RBMS2: variants seen among roughly 807,000 people sequenced by gnomAD.
The protein encoded by RBMS2 is RNA-binding motif, single-stranded-interacting protein 2.
Under a neutral mutation model 58.4 loss-of-function variants are expected in RBMS2, and 38 were observed. The observed-to-expected ratio is 0.65, with a 90% CI of 0.50 to 0.85. The LOEUF (loss-of-function observed/expected upper bound fraction) is 0.85. RBMS2 is among the 40% of genes least tolerant of loss of function. RBMS2 has a pLI of 0.00. For synonymous variants in RBMS2, 151 were observed against 180.7 expected (o/e 0.84, Z 1.32); for missense variants, 367 against 503.7 (o/e 0.73, Z 2.60).
intron 1 of RBMS2, among the ~76,000 whole-genome samples, chr12:56,558,038 CTTTTTTTTTTTTT>C (rs34784910): frequency 7.0e-5 from 2 of 28,518 alleles, no homozygotes; most frequent in Non-Finnish European, 1.2e-4. Flanking sequence ...CTCGCCCGGG[CTTTTTTTTTTTTT>C]TTTTTTTTTT....
chr12:56,529,156 A>G (rs886790297), intron 1 of RBMS2, among the ~76,000 whole-genome samples: 38 of 152,216 alleles, frequency 2.5e-4, no homozygotes, highest in African/African-American at 8.7e-4. Context: ...ATTATTCATA[A>G]TAGTCCAGAG....
At chr12:56,586,203 G>A (rs572806252) in intron 9 of RBMS2, among the ~76,000 whole-genome samples, 42 of 152,140 alleles carry the variant, frequency 2.8e-4, no homozygotes, top group Non-Finnish European at 5.1e-4. Context: ...ATGGTGGCGG[G>A]CACCTGTAGT....
At chr12:56,574,451 T>TGA (rs1882817355) in intron 5 of RBMS2, among the ~76,000 whole-genome samples, 1 of 152,218 alleles carries the variant, frequency 6.6e-6, no homozygotes, top group Admixed American at 6.5e-5. Flanking sequence ...TGTGAAAATA[T>TGA]GATGTTATCT....
intron 1 of RBMS2, among the ~76,000 whole-genome samples, chr12:56,541,708 A>G (rs963434054): frequency 1.3e-5 from 2 of 152,220 alleles, no homozygotes; most frequent in Non-Finnish European, 1.5e-5. Context: ...ACAAAAACCT[A>G]TGCACTTCTT....
At chr12:56,556,632 T>G (rs1291363727) in intron 1 of RBMS2, among the ~76,000 whole-genome samples, 2 of 152,090 alleles carry the variant, frequency 1.3e-5, no homozygotes, top group Non-Finnish European at 2.9e-5. Context: ...CGCCTCAGCC[T>G]CCCAAAGTGC....
At chr12:56,529,445 C>T (rs1043270512) in intron 1 of RBMS2, among the ~76,000 whole-genome samples, 4 of 151,814 alleles carry the variant, frequency 2.6e-5, no homozygotes, top group African/African-American at 9.7e-5. Flanking sequence ...ACACCTGTAG[C>T]CCCAGCTACT....
intron 1 of RBMS2, among the ~76,000 whole-genome samples, chr12:56,530,081 T>A (rs186257319): frequency 1.2e-3 from 182 of 152,070 alleles, no homozygotes; most frequent in African/African-American, 3.4e-3. Flanking sequence ...TTAAAAAAAA[T>A]TTTTTTTATA....
rs371296452 is a variant in RBMS2 at position 56,588,274 on chromosome 12, G to A, written c.1063-20G>A. On this transcript the variant is annotated intron_variant, in intron 11 of 13. Coordinates refer to ENST00000262031, the MANE Select transcript of RBMS2 (RefSeq NM_002898.4). The stretch of plus-strand genomic sequence containing the variant: ...AGCCAAAAATCACTGCTGTAAGCCT[G>A]TTGATGTTTCTCTTTCTAGTATATG... 1.2e-5 allele frequency: 20 copies of A among 1,603,874 alleles called. No individual in the cohort carries two copies. Among genetic ancestry groups the A allele is most frequent in the Non-Finnish European group, 8.5e-7 (1 of 1,170,734 alleles).
At chr12:56,579,440 C>T (rs1208196394) in intron 5 of RBMS2, among the ~76,000 whole-genome samples, 4 of 152,072 alleles carry the variant, frequency 2.6e-5, no homozygotes, top group African/African-American at 9.7e-5. Context: ...ACCATTCTGG[C>T]TAACAGGGTG....
At chr12:56,564,710 A>G (rs934541326) in intron 2 of RBMS2, among the ~76,000 whole-genome samples, 4 of 152,326 alleles carry the variant, frequency 2.6e-5, no homozygotes, top group Admixed American at 2.6e-4. Flanking sequence ...ATGATGGCTC[A>G]TGCCTGTAAT....
At chr12:56,521,508 T>TTTG (rs1433705497), upstream of RBMS2, among the ~76,000 whole-genome samples, 1 of 144,246 alleles carries the variant, frequency 6.9e-6, no homozygotes, top group Non-Finnish European at 1.5e-5. Flanking sequence ...CTCTGTTTTT[T>TTTG]TTTTTTTTTT....
chr12:56,572,751 G>C (rs976211036), intron 5 of RBMS2: 1 of 982,594 alleles, frequency 1.0e-6, no homozygotes, highest in Non-Finnish European at 1.2e-6. Flanking sequence ...GGCTTTGAGA[G>C]CAGTAGGATG....
In RBMS2 at chr12:56,548,361, T is replaced by C. The variant is rs573976576; in HGVS notation, c.67-14056T>C. 9.3e-4 allele frequency among the ~76,000 whole-genome samples: 142 copies of C among 152,134 alleles called. 1 individual carries two copies. The highest frequency in any genetic ancestry group is 3.4e-3 in the African/African-American group (140 of 41,532). Reference sequence around the variant, plus strand: ...ACTTGGGAGGCTGAGGCAGGAGAATTGCTTGAACCTGGGAGGCAGAGGTTG... The same window carrying C: ...ACTTGGGAGGCTGAGGCAGGAGAATCGCTTGAACCTGGGAGGCAGAGGTTG... On this transcript the variant is annotated intron_variant, in intron 1 of 13. Coordinates refer to ENST00000262031, the MANE Select transcript of RBMS2 (RefSeq NM_002898.4).
chr12:56,528,288 T>C (rs1873059990), intron 1 of RBMS2, among the ~76,000 whole-genome samples: 2 of 151,746 alleles, frequency 1.3e-5, no homozygotes, highest in South Asian at 2.1e-4. Context: ...ATCATAAAAT[T>C]ATAATGCTGG....
chr12:56,543,916 C>T (rs1876639078), intron 1 of RBMS2, among the ~76,000 whole-genome samples: 1 of 151,850 alleles, frequency 6.6e-6, no homozygotes, highest in African/African-American at 2.4e-5. Context: ...GATCCGCCCA[C>T]CTCAGCCTCC....
rs34385329 is a variant in RBMS2, at chr12:56,572,288, C to CAAAAA, written c.542+449_542+453dup. Among the ~76,000 whole-genome samples, 5 of 73,094 alleles carry CAAAAA rather than the reference C, an allele frequency of 6.8e-5. No homozygotes were observed. In the East Asian group the frequency reaches 1.2e-3, roughly 17 times the overall value. 48.0% of individuals were successfully genotyped at this position (73,094 alleles called of 152,430 possible). A position where few individuals can be genotyped will look rare whatever the true frequency, so the allele number is the denominator to read the frequency against. The stretch of plus-strand genomic sequence containing the variant: ...TGGGGAACAGAGTGAGACTCTGTCT[C>CAAAAA]AAAAAAAAAAAAAAAAAAAAGGTTC... On this transcript the variant is annotated intron_variant, in intron 5 of 13. Transcript: ENST00000262031.
chr12:56,544,939 T>G (rs927706100), intron 1 of RBMS2, among the ~76,000 whole-genome samples: 9 of 151,894 alleles, frequency 5.9e-5, no homozygotes, highest in Non-Finnish European at 1.0e-4. Flanking sequence ...CAATAGTTTT[T>G]GGGGTACAGG....
intron 1 of RBMS2, among the ~76,000 whole-genome samples, chr12:56,549,260 G>T (rs1169375631): frequency 1.3e-5 from 2 of 152,012 alleles, no homozygotes; most frequent in Non-Finnish European, 1.5e-5. Context: ...CTCCCAAAGC[G>T]CTCAGATTAC....
rs977381667 is a variant in RBMS2 at position 56,589,479 on chromosome 12, C to G, written c.*346C>G. 7.4e-6 allele frequency: 2 copies of G among 269,324 alleles called. No homozygotes were observed. Among genetic ancestry groups the G allele is most frequent in the African/African-American group, 2.3e-5 (1 of 43,710 alleles). 16.7% of individuals were successfully genotyped at this position (269,324 alleles called of 1,614,324 possible). The stretch of plus-strand genomic sequence containing the variant: ...AGACATGGTGGTCGCAGCTTCTCAT[C>G]TATATGAAAAAGTTTTCGATGTATT... On this transcript the variant is annotated 3_prime_UTR_variant, in exon 14 of 14. Transcript: ENST00000262031.
Sources: gnomAD v4.1 joint callset for allele counts (sites outside exome capture counted in the v4.1 genomes callset) on GRCh38, gnomAD v4.1.1 for gene constraint, MANE v1.5 for transcripts, NCBI Gene and HGNC (gene_info 2026-07-23, HGNC 2026-07-21) for gene names.